The following INPP4B variants were observed in gnomAD, a reference collection of about 807,000 sequenced individuals.
The protein encoded by INPP4B is inositol polyphosphate 4-phosphatase type II.
In INPP4B, 55 loss-of-function variants were observed where a neutral mutation model predicts 122.5. That is an observed-to-expected ratio of 0.45 (90% confidence interval 0.36 to 0.56). The LOEUF is 0.56. Among genes scored for constraint, INPP4B ranks in the 20% least tolerant of loss-of-function variants. INPP4B has a pLI of 0.00. For missense variants in INPP4B, 1,000 were observed against 1,097.7 expected (o/e 0.91, Z 1.26); for synonymous variants, 403 against 388.7 (o/e 1.04, Z -0.43).
At chr4:142,595,373 G>T (rs1738479093) in intron 2 of INPP4B, among the ~76,000 whole-genome samples, 1 of 152,014 alleles carries the variant, frequency 6.6e-6, no homozygotes, top group African/African-American at 2.4e-5. Context: ...AGAGGACCTA[G>T]AATGGTGGAA....
intron 9 of INPP4B, among the ~76,000 whole-genome samples, chr4:142,283,105 T>A (rs1751947590): frequency 6.6e-6 from 1 of 151,990 alleles, no homozygotes; most frequent in Non-Finnish European, 1.5e-5. Flanking sequence ...GAAGAGGAGA[T>A]GTATCCGATT....
intron 15 of INPP4B, among the ~76,000 whole-genome samples, chr4:142,185,811 G>A (rs1314368852): frequency 2.7e-5 from 4 of 149,930 alleles, no homozygotes; most frequent in South Asian, 2.1e-4. Context: ...CCTGAGAGGC[G>A]GAGCTTGCAG....
intron 12 of INPP4B, among the ~76,000 whole-genome samples, chr4:142,214,970 G>T (rs894155786): frequency 6.6e-6 from 1 of 152,150 alleles, no homozygotes; most frequent in Non-Finnish European, 1.5e-5. Flanking sequence ...TATGTTAGAG[G>T]TGTAGCAACC....
At chr4:142,593,667 C>T (rs1738040557) in intron 2 of INPP4B, among the ~76,000 whole-genome samples, 1 of 152,118 alleles carries the variant, frequency 6.6e-6, no homozygotes, top group Non-Finnish European at 1.5e-5. Context: ...TAGAATACAG[C>T]ATGCTTTCCA....
chr4:142,792,232 T>C (rs1317100203), intron 1 of INPP4B, among the ~76,000 whole-genome samples: 1 of 151,906 alleles, frequency 6.6e-6, no homozygotes, highest in Non-Finnish European at 1.5e-5. Flanking sequence ...GGCAACAGAG[T>C]AAGACTCTAT....
At chr4:142,540,797 AAC>A (rs947865250) in intron 2 of INPP4B, among the ~76,000 whole-genome samples, 9 of 152,216 alleles carry the variant, frequency 5.9e-5, no homozygotes, top group African/African-American at 1.9e-4. Context: ...CACACACATA[AAC>A]ACACACACAC....
rs113485632 is a variant in INPP4B at position 142,616,165 on chromosome 4, G to C, written c.-191+109674C>G. Reference sequence around the variant, plus strand: ...TAAAGCCCCCCAACCCTCACCCAATGAAATCTCTTGGTGCTGCCCTCGGAA... The same window carrying C: ...TAAAGCCCCCCAACCCTCACCCAATCAAATCTCTTGGTGCTGCCCTCGGAA... On this transcript the variant is annotated intron_variant, in intron 2 of 25. Coordinates refer to ENST00000262992, the MANE Select transcript of INPP4B (RefSeq NM_001101669.3). Among the ~76,000 whole-genome samples the C allele has an allele frequency of 4.5e-3, 686 of 152,238 alleles. 2 individuals are homozygous for C. The highest frequency in any genetic ancestry group is 7.7e-3 in the Non-Finnish European group (521 of 68,012).
At chr4:142,509,079 A>G (rs1824381745) in intron 2 of INPP4B, among the ~76,000 whole-genome samples, 2 of 152,232 alleles carry the variant, frequency 1.3e-5, no homozygotes, top group South Asian at 4.1e-4. Context: ...TACCATTGAG[A>G]AACATGAGTG....
chr4:142,255,289 G>A (rs1735166633), intron 11 of INPP4B, among the ~76,000 whole-genome samples: 1 of 151,750 alleles, frequency 6.6e-6, no homozygotes, highest in Non-Finnish European at 1.5e-5. Flanking sequence ...GGAAAGAACT[G>A]CATCAACTAA....
intron 1 of INPP4B, among the ~76,000 whole-genome samples, chr4:142,808,350 CG>C (rs375841851): frequency 3.3e-5 from 5 of 152,014 alleles, no homozygotes; most frequent in African/African-American, 1.2e-4. Context: ...AATTGAAAGC[CG>C]GATGAAGATA....
chr4:142,139,302 AATTATT>A (rs149940996), intron 18 of INPP4B, among the ~76,000 whole-genome samples: 3 of 151,274 alleles, frequency 2.0e-5, no homozygotes, highest in Admixed American at 1.3e-4. Flanking sequence ...TCTAGTCTTT[AATTATT>A]ATTATTATTA....
intron 2 of INPP4B, among the ~76,000 whole-genome samples, chr4:142,619,952 A>T (rs1744532618): frequency 6.6e-6 from 1 of 152,050 alleles, no homozygotes; most frequent in African/African-American, 2.4e-5. Flanking sequence ...AAAACCAAGT[A>T]AGAGTAGTAG....
chr4:142,159,512 C>A (rs1818975549), intron 17 of INPP4B, among the ~76,000 whole-genome samples: 1 of 151,752 alleles, frequency 6.6e-6, no homozygotes. Flanking sequence ...TAATTTACTC[C>A]CCATTCTTAA....
Position 142,025,564 on chromosome 4 carries a change from A to G in INPP4B, c.*3218T>C, listed in dbSNP as rs558695734. On this transcript the variant is annotated 3_prime_UTR_variant, in exon 26 of 26. Coordinates refer to ENST00000262992, the MANE Select transcript of INPP4B (RefSeq NM_001101669.3). ...CTCTTGGTACACTATCAACTTTTAC[A>G]TAGGGAGAGGTTTGATTTGCTTGGG... The G allele has an allele frequency of 6.6e-6, 1 of 152,296 alleles. No homozygotes were observed. The highest frequency in any genetic ancestry group is 6.5e-5 in the Admixed American group (1 of 15,280). 9.4% of individuals were successfully genotyped at this position (152,296 alleles called of 1,614,324 possible).
At chr4:142,533,893 G>A (rs538538808) in intron 2 of INPP4B, among the ~76,000 whole-genome samples, 2 of 152,280 alleles carry the variant, frequency 1.3e-5, no homozygotes, top group East Asian at 3.9e-4. Context: ...TGATTAGGAT[G>A]CCATGGTCAT....
At chr4:142,431,547 T>A (rs781005403) in intron 3 of INPP4B, among the ~76,000 whole-genome samples, 162 bp from the exon 4 acceptor site, 14 of 152,084 alleles carry the variant, frequency 9.2e-5, no homozygotes, top group Non-Finnish European at 2.1e-4. Context: ...CATCATAAAG[T>A]CTAGGTTTAA....
At chr4:142,633,910 C>T (rs1001934201) in intron 2 of INPP4B, among the ~76,000 whole-genome samples, 1 of 152,028 alleles carries the variant, frequency 6.6e-6, no homozygotes, top group Non-Finnish European at 1.5e-5. Context: ...CCCATAGTCC[C>T]AGCTACTTGG....
intron 2 of INPP4B, among the ~76,000 whole-genome samples, chr4:142,571,010 C>A (rs1732680619): frequency 6.6e-6 from 1 of 151,170 alleles, no homozygotes; most frequent in African/African-American, 2.4e-5. Context: ...ATGACCCTAC[C>A]CCTACCTCAT....
intron 9 of INPP4B, among the ~76,000 whole-genome samples, chr4:142,289,544 G>A (rs1755434265): frequency 6.6e-6 from 1 of 152,070 alleles, no homozygotes. Context: ...CCAGCCCCCA[G>A]CCCTTGGACA....
Sources: allele counts gnomAD v4.1 joint callset (sites outside exome capture counted in the v4.1 genomes callset), GRCh38; gene constraint gnomAD v4.1.1; transcripts MANE v1.5; gene names NCBI Gene and HGNC (gene_info 2026-07-23, HGNC 2026-07-21).